CDH6: variants seen among roughly 807,000 people sequenced by gnomAD.
CDH6 encodes cadherin 6, also known as cadherin-6.
A neutral mutation model predicts 78.0 loss-of-function variants in CDH6; 31 were observed. That is an observed-to-expected ratio of 0.40 (90% CI 0.30 to 0.54). The LOEUF is 0.54. CDH6 is among the 20% of genes least tolerant of loss of function. The probability of loss-of-function intolerance (pLI) is 0.56; values close to 1 mark genes in which losing one functional copy is unlikely to be tolerated. For missense variants in CDH6, 724 were observed against 975.9 expected, an observed-to-expected ratio of 0.74 and a Z score of 3.44; for synonymous variants, 376 against 368.8, an observed-to-expected ratio of 1.02 and a Z score of -0.23.
At chr5:31,297,021 C>A (rs778498338) in intron 3 of CDH6, among the ~76,000 whole-genome samples, 18 of 152,078 alleles carry the variant, frequency 1.2e-4, no homozygotes, top group Non-Finnish European at 2.1e-4. Context: ...CCAGTCAAAT[C>A]CCGCCATTGG....
chr5:31,258,820 A>C lies in CDH6; in HGVS notation c.-128-8526A>C, dbSNP rs111313255. Among the ~76,000 whole-genome samples the C allele has an allele frequency of 3.0e-3, 463 of 152,232 alleles. 3 individuals carry two copies. Among genetic ancestry groups the C allele is most frequent in the African/African-American group, 0.01 (417 of 41,540 alleles). ...GTTGGTGTTATTTTTTAGGGAATTC[A>C]TGAAGACTCAATTCTAAGGCCACAA... On this transcript the variant is annotated intron_variant, in intron 1 of 11. Coordinates refer to ENST00000265071, the MANE Select transcript of CDH6 (RefSeq NM_004932.4).
At chr5:31,270,138 T>TTAATTTATCTGGGA (rs1260687386) in intron 2 of CDH6, among the ~76,000 whole-genome samples, 2 of 152,336 alleles carry the variant, frequency 1.3e-5, no homozygotes, top group African/African-American at 4.8e-5. Context: ...TGGTCCACCT[T>TTAATTTATCTGGGA]TAATTTATCT....
intron 2 of CDH6, among the ~76,000 whole-genome samples, chr5:31,289,836 A>G (rs1323054626): frequency 6.6e-6 from 1 of 152,202 alleles, no homozygotes; most frequent in African/African-American, 2.4e-5. Flanking sequence ...TTAGCATGTA[A>G]AAACATGCTG....
chr5:31,290,766 G>C (rs145183997), intron 2 of CDH6, among the ~76,000 whole-genome samples: 1 of 152,034 alleles, frequency 6.6e-6, no homozygotes, highest in African/African-American at 2.4e-5. Context: ...CCGTGTACTC[G>C]GTCAGACCCA....
chr5:31,322,522 T>C (rs1259472757), intron 11 of CDH6, among the ~76,000 whole-genome samples: 2 of 152,174 alleles, frequency 1.3e-5, no homozygotes, highest in East Asian at 3.9e-4. Flanking sequence ...TTTATTATTT[T>C]TTTCCTTACC....
intron 3 of CDH6, among the ~76,000 whole-genome samples, chr5:31,295,417 A>G (rs1315046996): frequency 6.6e-6 from 1 of 152,158 alleles, no homozygotes; most frequent in African/African-American, 2.4e-5. Flanking sequence ...GTAACCAGCT[A>G]TGCAGGTATT....
At chr5:31,249,357 C>T (rs1215296358) in intron 1 of CDH6, 1 of 152,222 alleles carries the variant, frequency 6.6e-6, no homozygotes, top group Non-Finnish European at 1.5e-5. Context: ...ATCCCGAGAA[C>T]AATCCACCTA....
rs188778464 is a variant in CDH6, at chr5:31,322,668, G to A, written c.1883-150G>A. 3.9e-4 allele frequency: 312 copies of A among 797,064 alleles called. No homozygotes were observed. In the African/African-American group the frequency reaches 4.6e-3, roughly 12 times the overall value. The allele number at this position is 797,064 out of a possible 1,614,324, so 49.4% of individuals were successfully genotyped here. On this transcript the variant is annotated intron_variant, in intron 11 of 11. Transcript: ENST00000265071. ...GGGTCCCGGTTTGATCATGGATGGA[G>A]GCAAGTGCATCCTTAAAGAAATAAA...
chr5:31,319,774 G>A (rs1302371689), intron 11 of CDH6, among the ~76,000 whole-genome samples: 1 of 152,072 alleles, frequency 6.6e-6, no homozygotes. Flanking sequence ...TATGGTAATG[G>A]ATATTTTACA....
Position 31,267,327 on chromosome 5 carries a change from A to G in CDH6, c.-128-19A>G, listed in dbSNP as rs144712334. ...TTAAGCATCTCTAAAAATGCTTGTT[A>G]TGTTATTATTCTTTCCAGATATCCT... On this transcript the variant is annotated intron_variant, in intron 1 of 11. Coordinates refer to ENST00000265071, the MANE Select transcript of CDH6 (RefSeq NM_004932.4). The G allele has an allele frequency of 4.2e-4, 259 of 610,300 alleles. 1 individual carries two copies. In the East Asian group the frequency reaches 7.0e-3, roughly 17 times the overall value. 37.8% of individuals were successfully genotyped at this position (610,300 alleles called of 1,614,324 possible). A position where few individuals can be genotyped will look rare whatever the true frequency, so the allele number is the denominator to read the frequency against.
intron 1 of CDH6, among the ~76,000 whole-genome samples, chr5:31,216,927 A>C (rs114755858): frequency 0.014 from 2,187 of 152,168 alleles, 58 homozygotes; most frequent in African/African-American, 0.05. Flanking sequence ...ATTTCCATAA[A>C]CTTTTTCTGG....
At chr5:31,255,093 C>A (rs1195332153) in intron 1 of CDH6, among the ~76,000 whole-genome samples, 1 of 152,200 alleles carries the variant, frequency 6.6e-6, no homozygotes. Flanking sequence ...TCCAAATATT[C>A]TGATATTCTA....
chr5:31,258,703 G>C (rs765042720), intron 1 of CDH6, among the ~76,000 whole-genome samples: 3 of 152,108 alleles, frequency 2.0e-5, no homozygotes, highest in Non-Finnish European at 4.4e-5. Context: ...CATGTGTGTA[G>C]AGCATTTATC....
intron 1 of CDH6, among the ~76,000 whole-genome samples, chr5:31,199,661 GTGTGTGTA>G (rs1435608630): frequency 3.6e-4 from 31 of 87,194 alleles, no homozygotes; most frequent in Non-Finnish European, 6.4e-4. Context: ...GTGTATGTGT[GTGTGTGTA>G]TGTGTGTGTG....
In CDH6 at chr5:31,299,580, G is replaced by A. The variant is rs138288285; in HGVS notation, c.760G>A (p.Val254Met). 9.5e-5 allele frequency: 153 copies of A among 1,613,714 alleles called. No homozygotes were observed. The highest frequency in any genetic ancestry group is 1.2e-4 in the Non-Finnish European group (145 of 1,179,858). The change falls in exon 5 of 12, where the codon GTG becomes ATG. Residue 254 changes from valine (V) to methionine (M), a missense_variant. Val to Met is a conservative substitution (Grantham distance 21). Transcript: ENST00000265071. ...GGGAGGATTATCTGGGACCACCACCGTGAACATCACACTGACTGATGTCAA... is the reference window on the plus strand; with the variant it reads ...GGGAGGATTATCTGGGACCACCACCATGAACATCACACTGACTGATGTCAA... The part of the protein sequence containing the change: ...QMGGLSGTTT[V>M]NITLTDVNDN...
intron 2 of CDH6, among the ~76,000 whole-genome samples, chr5:31,289,153 T>C (rs1743090175): frequency 6.6e-6 from 1 of 152,184 alleles, no homozygotes; most frequent in Non-Finnish European, 1.5e-5. Context: ...TCCCAGAGTC[T>C]ATTTTCCCCA....
chr5:31,205,360 A>G (rs993507347), intron 1 of CDH6, among the ~76,000 whole-genome samples: 1 of 152,210 alleles, frequency 6.6e-6, no homozygotes, highest in Non-Finnish European at 1.5e-5. Flanking sequence ...CCTGAGAGCC[A>G]GGAAGACTAA....
rs529727546 is a variant in CDH6, at chr5:31,303,755, A to AT, written c.1000-1410dup. 9.5e-4 allele frequency among the ~76,000 whole-genome samples: 144 copies of AT among 151,758 alleles called. 1 individual carries two copies. Among genetic ancestry groups the AT allele is most frequent in the African/African-American group, 2.8e-3 (116 of 41,374 alleles). ...CATCGGTGGATGTAAATAACAAGAG[A>AT]TTTTTTTTTCCTCCCAAGCTTTGGA... On this transcript the variant is annotated intron_variant, in intron 6 of 11. Transcript: ENST00000265071.
chr5:31,316,161 G>T, intron 8 of CDH6, 47 bp from the exon 9 acceptor site: 1 of 1,575,928 alleles, frequency 6.3e-7, no homozygotes, highest in Non-Finnish European at 8.6e-7. Flanking sequence ...AAGGGAATCG[G>T]CAATCAACAT....
Sources: allele counts gnomAD v4.1 joint callset (sites outside exome capture counted in the v4.1 genomes callset), GRCh38; gene constraint gnomAD v4.1.1; transcripts MANE v1.5; gene names NCBI Gene and HGNC (gene_info 2026-07-23, HGNC 2026-07-21).